The following COL28A1 variants were observed in gnomAD, a reference collection of about 807,000 sequenced individuals.
COL28A1 encodes the protein collagen alpha-1(XXVIII) chain.
COL28A1 carries 161 observed loss-of-function variants against 150.2 expected under a neutral mutation model. The ratio of observed to expected loss-of-function variants is 1.07; its 90% confidence interval spans 0.94 to 1.22. The LOEUF (loss-of-function observed/expected upper bound fraction) is 1.22, where lower values mean the gene tolerates loss of function less well. Ranked by LOEUF, COL28A1 falls within the 50% of genes most tolerant of loss-of-function variation. The pLI is 0.00. For missense variants in COL28A1, 1,617 were observed against 1,388.3 expected (o/e 1.16, Z -2.62); for synonymous variants, 552 against 469.7 (o/e 1.18, Z -2.26).
chr7:7,396,600 T>C (rs998971433), intron 27 of COL28A1, among the ~76,000 whole-genome samples: 1 of 152,214 alleles, frequency 6.6e-6, no homozygotes, highest in Non-Finnish European at 1.5e-5. Flanking sequence ...GCCTAATGCT[T>C]GTTCAATAAA....
chr7:7,480,599 C>T (rs1228299234), intron 13 of COL28A1, among the ~76,000 whole-genome samples: 1 of 151,950 alleles, frequency 6.6e-6, no homozygotes, highest in Non-Finnish European at 1.5e-5. Flanking sequence ...TATTTTTTCC[C>T]TAATAATATG....
intron 13 of COL28A1, 42 bp downstream of exon 13, chr7:7,489,347 A>C: frequency 1.1e-6 from 1 of 881,542 alleles, no homozygotes. Context: ...AGTAAAAACT[A>C]TATTTGTCCT....
intron 33 of COL28A1, among the ~76,000 whole-genome samples, chr7:7,362,274 A>T (rs1356240175): frequency 1.4e-5 from 2 of 139,308 alleles, no homozygotes; most frequent in Non-Finnish European, 1.6e-5. Context: ...TTTTCCTTGG[A>T]TTCCAGCTGT....
chr7:7,525,537 C>A (rs1041297165), intron 3 of COL28A1, among the ~76,000 whole-genome samples: 1 of 151,922 alleles, frequency 6.6e-6, no homozygotes, highest in Non-Finnish European at 1.5e-5. Context: ...AATTTACATA[C>A]GATAAAATAG....
chr7:7,439,126 T>C (rs1785561944), intron 21 of COL28A1, among the ~76,000 whole-genome samples: 1 of 152,218 alleles, frequency 6.6e-6, no homozygotes, highest in Admixed American at 6.5e-5. Flanking sequence ...TTTTCAGTCA[T>C]CCTGCTTCCT....
At chr7:7,524,082 T>C in intron 4 of COL28A1, 147 bp downstream of exon 4, 1 of 596,660 alleles carries the variant, frequency 1.7e-6, no homozygotes, top group Admixed American at 2.8e-5. Flanking sequence ...AGAAATCAGA[T>C]GGCTGCCTCA....
chr7:7,347,682 A>C, the COL28A1 span, among the ~76,000 whole-genome samples: 1 of 152,124 alleles, frequency 6.6e-6, no homozygotes, highest in Non-Finnish European at 1.5e-5. Flanking sequence ...AGATATTTTA[A>C]CTAAATCTTA....
At chr7:7,475,808 CA>C (rs1788820819) in intron 14 of COL28A1, among the ~76,000 whole-genome samples, 1 of 152,056 alleles carries the variant, frequency 6.6e-6, no homozygotes, top group African/African-American at 2.4e-5. Context: ...GATGTCATGC[CA>C]AGTTGCTGAC....
chr7:7,457,480 A>C (rs1787260360), intron 15 of COL28A1, among the ~76,000 whole-genome samples: 1 of 152,154 alleles, frequency 6.6e-6, no homozygotes, highest in Admixed American at 6.6e-5. Context: ...TCAGGAGTTC[A>C]GTTTTGGACA....
At chr7:7,367,936 C>T (rs1190626283) in intron 33 of COL28A1, among the ~76,000 whole-genome samples, 3 of 152,046 alleles carry the variant, frequency 2.0e-5, no homozygotes, top group Admixed American at 6.5e-5. Context: ...TCTCCCTCAC[C>T]TCCAATCCTT....
intron 27 of COL28A1, among the ~76,000 whole-genome samples, chr7:7,391,591 A>G (rs957440999): frequency 1.3e-5 from 2 of 152,082 alleles, no homozygotes; most frequent in Non-Finnish European, 2.9e-5. Context: ...AAAGTCTCCC[A>G]CTATTATTGT....
intron 5 of COL28A1, among the ~76,000 whole-genome samples, chr7:7,521,406 C>T: frequency 6.6e-6 from 1 of 152,182 alleles, no homozygotes; most frequent in East Asian, 1.9e-4. Context: ...GTGCTTACTT[C>T]CATTTCACAG....
Position 7,514,583 on chromosome 7 carries a change from G to C in COL28A1, c.882+1231C>G, listed in dbSNP as rs75729484. ...TGCAGGGCCCAGGGCAAGAGTGTAA[G>C]TGGAAGCCCACATACCATGTGTCTA... is the stretch of plus-strand genomic sequence containing the variant. On this transcript the variant is annotated intron_variant, in intron 8 of 34. Transcript: ENST00000399429. Among the ~76,000 whole-genome samples the C allele has an allele frequency of 1.4e-3, 210 of 152,324 alleles. 1 individual carries two copies. The South Asian group carries it at 0.015, about 11-fold the overall frequency.
At chr7:7,356,079 T>C (rs1020312248), downstream of COL28A1, 1 of 151,976 alleles carries the variant, frequency 6.6e-6, no homozygotes, top group Non-Finnish European at 1.5e-5. Context: ...TTTTTAAAGC[T>C]CAAAAAAGCT....
chr7:7,408,163 G>A (rs995680128), intron 27 of COL28A1, among the ~76,000 whole-genome samples: 11 of 151,954 alleles, frequency 7.2e-5, no homozygotes, highest in African/African-American at 2.2e-4. Context: ...TTACAGCCGT[G>A]CTCATGATTC....
chr7:7,428,241 C>A (rs1462972765), intron 25 of COL28A1, among the ~76,000 whole-genome samples: 1 of 152,156 alleles, frequency 6.6e-6, no homozygotes, highest in Admixed American at 6.5e-5. Context: ...AACCCCAAAT[C>A]CAGGTTAGAT....
In COL28A1 at chr7:7,456,115, G is replaced by A. The variant is rs1476178353; in HGVS notation, c.1303-3C>T. On this transcript the variant is annotated splice_region_variant and splice_polypyrimidine_tract_variant and intron_variant, in intron 15 of 34. Coordinates refer to ENST00000399429, the MANE Select transcript of COL28A1 (RefSeq NM_001037763.3). ...GGTCCCACAGGTCCTATATCCCCCT[G>A]CACAGAAAATAAGCCAGGAAATATA... 6.2e-7 allele frequency: 1 copy of A among 1,610,694 alleles called. No homozygotes were observed. Among genetic ancestry groups the A allele is most frequent in the Non-Finnish European group, 8.5e-7 (1 of 1,178,404 alleles).
intron 27 of COL28A1, among the ~76,000 whole-genome samples, chr7:7,397,450 T>C (rs184479870): frequency 6.6e-6 from 1 of 152,304 alleles, no homozygotes; most frequent in East Asian, 1.9e-4. Flanking sequence ...GATGTGGACG[T>C]CTTTGAGAAC....
At chr7:7,473,948 T>C (rs1788654089) in intron 15 of COL28A1, among the ~76,000 whole-genome samples, 1 of 149,078 alleles carries the variant, frequency 6.7e-6, no homozygotes, top group African/African-American at 2.4e-5. Context: ...ATATACTGTA[T>C]ACTATATATA....
Sources: allele counts gnomAD v4.1 joint callset (sites outside exome capture counted in the v4.1 genomes callset), GRCh38; gene constraint gnomAD v4.1.1; transcripts MANE v1.5; gene names NCBI Gene and HGNC (gene_info 2026-07-23, HGNC 2026-07-21).